GABRG3: variants seen among roughly 807,000 people sequenced by gnomAD.
The protein encoded by GABRG3 is gamma-aminobutyric acid receptor subunit gamma-3.
Under a neutral mutation model 48.8 loss-of-function variants are expected in GABRG3, and 25 were observed. That is an observed-to-expected ratio of 0.51 (90% CI 0.37 to 0.72). The LOEUF (loss-of-function observed/expected upper bound fraction) is 0.72, where lower values mean the gene tolerates loss of function less well. GABRG3 is among the 30% of genes least tolerant of loss of function. GABRG3 has a pLI of 0.00. For synonymous variants in GABRG3, 227 were observed against 217.6 expected (o/e 1.04, Z -0.38); for missense variants, 394 against 577.9 (o/e 0.68, Z 3.26).
intron 3 of GABRG3, among the ~76,000 whole-genome samples, chr15:27,301,619 A>AGT (rs149989748): frequency 7.9e-5 from 12 of 151,826 alleles, no homozygotes; most frequent in Middle Eastern, 3.4e-3. Context: ...TATGTGTGTG[A>AGT]GTGTGTGTGT....
chr15:27,004,995 A>C (rs1365705604), intron 2 of GABRG3, among the ~76,000 whole-genome samples: 1 of 152,106 alleles, frequency 6.6e-6, no homozygotes, highest in Non-Finnish European at 1.5e-5. Context: ...GGTGACTGGA[A>C]AGGCAAGAAT....
chr15:27,125,943 A>G (rs1897812491), intron 3 of GABRG3, among the ~76,000 whole-genome samples: 1 of 152,248 alleles, frequency 6.6e-6, no homozygotes, highest in African/African-American at 2.4e-5. Flanking sequence ...AATATGATCT[A>G]TTAGGAGCTT....
intron 3 of GABRG3, among the ~76,000 whole-genome samples, chr15:27,183,852 C>T (rs2140418300): frequency 6.6e-6 from 1 of 152,268 alleles, no homozygotes; most frequent in South Asian, 2.1e-4. Context: ...ACATAGTACT[C>T]TAGGATGTTC....
intron 3 of GABRG3, among the ~76,000 whole-genome samples, chr15:27,109,234 A>T (rs1332686180): frequency 6.6e-6 from 1 of 152,196 alleles, no homozygotes; most frequent in African/African-American, 2.4e-5. Context: ...AGCAGAGTTT[A>T]CAGAGAGTTC....
intron 3 of GABRG3, among the ~76,000 whole-genome samples, chr15:27,278,330 G>A (rs188334254): frequency 2.0e-5 from 3 of 152,208 alleles, no homozygotes; most frequent in East Asian, 3.9e-4. Flanking sequence ...AATTACAGGC[G>A]TGAGCCACTG....
chr15:27,082,589 C>T (rs1897009909), intron 3 of GABRG3, among the ~76,000 whole-genome samples: 1 of 152,168 alleles, frequency 6.6e-6, no homozygotes, highest in South Asian at 2.1e-4. Flanking sequence ...CCCACCCCCA[C>T]AACTGAAGAA....
intron 3 of GABRG3, among the ~76,000 whole-genome samples, chr15:27,190,432 AC>A (rs1566959597): frequency 6.6e-6 from 1 of 152,158 alleles, no homozygotes; most frequent in African/African-American, 2.4e-5. Context: ...CAGAGATTCA[AC>A]TTTTTCCTGG....
intron 3 of GABRG3, among the ~76,000 whole-genome samples, chr15:27,304,424 ATTATC>A (rs1892322572): frequency 2.0e-5 from 3 of 151,988 alleles, no homozygotes; most frequent in Admixed American, 1.3e-4. Flanking sequence ...AAATCAATTT[ATTATC>A]TTATAGTTGT....
chr15:26,994,086 G>T (rs1423824232), intron 2 of GABRG3, among the ~76,000 whole-genome samples: 2 of 151,832 alleles, frequency 1.3e-5, no homozygotes, highest in East Asian at 1.9e-4. Flanking sequence ...CAGTCTATAT[G>T]CATCTTTATA....
chr15:27,308,176 ATAT>A (rs1196998640), intron 3 of GABRG3, among the ~76,000 whole-genome samples: 16 of 85,104 alleles, frequency 1.9e-4, no homozygotes, highest in Admixed American at 3.2e-4. Flanking sequence ...ATATGTTTAT[ATAT>A]CCAAACATAT....
intron 7 of GABRG3, among the ~76,000 whole-genome samples, chr15:27,520,645 TCTTAATAAAACACTAAC>T (rs1891137983): frequency 1.4e-5 from 2 of 140,694 alleles, no homozygotes; most frequent in African/African-American, 5.6e-5. Context: ...CCCAAAATCT[TCTTAATAAAACACTAAC>T]TTTCAGTAGT....
At chr15:27,153,833 C>G (rs540072989) in intron 3 of GABRG3, among the ~76,000 whole-genome samples, 1 of 151,942 alleles carries the variant, frequency 6.6e-6, no homozygotes, top group South Asian at 2.1e-4. Context: ...ATTTTAAATT[C>G]TCTGATAATT....
chr15:27,275,736 T>C (rs901073595), intron 3 of GABRG3, among the ~76,000 whole-genome samples: 7 of 152,248 alleles, frequency 4.6e-5, no homozygotes, highest in Admixed American at 1.3e-4. Context: ...AGGTTTCGCA[T>C]TCCTTTTCCT....
chr15:27,513,828 AAATGT>A (rs1306928779), intron 6 of GABRG3, among the ~76,000 whole-genome samples: 2 of 152,272 alleles, frequency 1.3e-5, no homozygotes, highest in Non-Finnish European at 2.9e-5. Flanking sequence ...ACTTAAATAT[AAATGT>A]AATGTAATTT....
chr15:27,057,071 G>A (rs1375502697), intron 3 of GABRG3, among the ~76,000 whole-genome samples: 3 of 152,172 alleles, frequency 2.0e-5, no homozygotes, highest in Admixed American at 1.3e-4. Flanking sequence ...TTGTCCAGGT[G>A]GAGAAATAAA....
chr15:27,072,937 T>G (rs1332758824), intron 3 of GABRG3, among the ~76,000 whole-genome samples: 2 of 152,190 alleles, frequency 1.3e-5, no homozygotes, highest in Non-Finnish European at 2.9e-5. Context: ...GGCCAGCAGA[T>G]AGTCAGACTG....
At chr15:27,498,700 A>G (rs889156784) in intron 6 of GABRG3, among the ~76,000 whole-genome samples, 2 of 151,926 alleles carry the variant, frequency 1.3e-5, no homozygotes, top group Non-Finnish European at 2.9e-5. Context: ...CCGTGAGGCC[A>G]GGCTATTTGA....
At chr15:27,107,385 A>G (rs1052977335) in intron 3 of GABRG3, among the ~76,000 whole-genome samples, 2 of 152,072 alleles carry the variant, frequency 1.3e-5, no homozygotes, top group African/African-American at 4.8e-5. Context: ...AACCAGCTAT[A>G]CATTTGGGAA....
At chr15:27,397,341 T>C (rs1043942758) in intron 5 of GABRG3, among the ~76,000 whole-genome samples, 54 of 152,190 alleles carry the variant, frequency 3.5e-4, no homozygotes, top group African/African-American at 1.3e-3. Flanking sequence ...AAATCTACAG[T>C]TCTCTAACAA....
Sources: allele counts gnomAD v4.1 joint callset (sites outside exome capture counted in the v4.1 genomes callset), GRCh38; gene constraint gnomAD v4.1.1; transcripts MANE v1.5; gene names NCBI Gene and HGNC (gene_info 2026-07-23, HGNC 2026-07-21).